Variants in PPFIA2 observed in about 807,000 individuals in gnomAD.
The protein encoded by PPFIA2 is liprin-alpha-2.
A neutral mutation model predicts 175.5 loss-of-function variants in PPFIA2; 46 were observed. The ratio of observed to expected loss-of-function variants is 0.26; its 90% CI spans 0.21 to 0.34. The LOEUF (loss-of-function observed/expected upper bound fraction) is 0.34, where lower values mean the gene tolerates loss of function less well. PPFIA2 is among the 10% of genes least tolerant of loss of function. The pLI is 1.00. For synonymous variants in PPFIA2, 568 were observed against 511.4 expected (o/e 1.11, Z -1.49); for missense variants, 1,179 against 1,506.1 (o/e 0.78, Z 3.60).
chr12:81,718,374 T>A (rs1298543311), intron 3 of PPFIA2, among the ~76,000 whole-genome samples: 3 of 151,576 alleles, frequency 2.0e-5, no homozygotes, highest in Non-Finnish European at 3.0e-5. Context: ...TAGAATGTTC[T>A]AGAATGTGTG....
chr12:81,544,484 T>C (rs2066688501), intron 4 of PPFIA2, among the ~76,000 whole-genome samples: 1 of 152,190 alleles, frequency 6.6e-6, no homozygotes, highest in Non-Finnish European at 1.5e-5. Context: ...CAGCCCAACA[T>C]ACTTCCGGCA....
At chr12:81,616,951 C>G (rs557017993) in intron 4 of PPFIA2, among the ~76,000 whole-genome samples, 1 of 152,106 alleles carries the variant, frequency 6.6e-6, no homozygotes, top group Non-Finnish European at 1.5e-5. Flanking sequence ...CACTCAACAA[C>G]CCAGTATAAC....
intron 3 of PPFIA2, among the ~76,000 whole-genome samples, chr12:81,691,664 T>C (rs1286941705): frequency 1.3e-5 from 2 of 152,088 alleles, no homozygotes; most frequent in African/African-American, 4.8e-5. Context: ...TTGTACAGAT[T>C]GCATTTGCCA....
intron 4 of PPFIA2, among the ~76,000 whole-genome samples, chr12:81,553,118 T>A (rs2068222862): frequency 6.6e-6 from 1 of 151,874 alleles, no homozygotes; most frequent in Non-Finnish European, 1.5e-5. Flanking sequence ...GAAGCATTAA[T>A]CTCACGGGCT....
intron 32 of PPFIA2, chr12:81,261,205 A>C (rs916360740): frequency 2.6e-5 from 4 of 152,064 alleles, no homozygotes; most frequent in African/African-American, 9.7e-5. Flanking sequence ...TGAATTTTTC[A>C]CAGTTTCTAC....
chr12:81,330,940 T>C (rs2055989620), intron 21 of PPFIA2, among the ~76,000 whole-genome samples: 1 of 152,258 alleles, frequency 6.6e-6, no homozygotes, highest in Non-Finnish European at 1.5e-5. Context: ...TGGAGCTAAA[T>C]ACTACTTTAT....
At chr12:81,448,514 A>G (rs577507559) in intron 5 of PPFIA2, among the ~76,000 whole-genome samples, 3 of 152,206 alleles carry the variant, frequency 2.0e-5, no homozygotes, top group Non-Finnish European at 4.4e-5. Flanking sequence ...CAAATTTTTA[A>G]TGTCTTCTTA....
intron 4 of PPFIA2, among the ~76,000 whole-genome samples, chr12:81,654,140 G>GA (rs1262574558): frequency 6.6e-6 from 1 of 150,496 alleles, no homozygotes; most frequent in African/African-American, 2.4e-5. Flanking sequence ...TAGCGAAGAA[G>GA]AAAAAAATTT....
chr12:81,756,107 T>C (rs1380965196), intron 2 of PPFIA2, among the ~76,000 whole-genome samples: 3 of 152,144 alleles, frequency 2.0e-5, no homozygotes, highest in Admixed American at 6.5e-5. Flanking sequence ...AACCTACACA[T>C]TGAGCCGCTA....
intron 4 of PPFIA2, among the ~76,000 whole-genome samples, chr12:81,640,898 G>A (rs1427119283): frequency 1.3e-5 from 2 of 151,564 alleles, no homozygotes; most frequent in African/African-American, 4.8e-5. Flanking sequence ...AAACACATGA[G>A]ACCTTAAAAA....
chr12:81,647,484 G>C (rs902295444), intron 4 of PPFIA2, among the ~76,000 whole-genome samples: 2 of 151,986 alleles, frequency 1.3e-5, no homozygotes, highest in African/African-American at 4.8e-5. Flanking sequence ...AAATATGGCT[G>C]GGTGCGGTGG....
At chr12:81,515,424 CTG>C (rs1268083857) in intron 4 of PPFIA2, among the ~76,000 whole-genome samples, 5 of 152,116 alleles carry the variant, frequency 3.3e-5, no homozygotes, top group African/African-American at 1.2e-4. Flanking sequence ...GATAAATATG[CTG>C]TGTTTACACA....
At chr12:81,271,045 GT>G (rs2038940691) in intron 28 of PPFIA2, among the ~76,000 whole-genome samples, 1 of 152,060 alleles carries the variant, frequency 6.6e-6, no homozygotes. Context: ...TTACTAATAA[GT>G]TTTCTATGTT....
rs58932826 is a variant in PPFIA2 at position 81,587,103 on chromosome 12, G to C, written c.303+89688C>G. Among the ~76,000 whole-genome samples, 990 of 151,996 alleles carry C rather than the reference G, an allele frequency of 6.5e-3. 9 individuals are homozygous for C. The highest frequency in any genetic ancestry group is 0.022 in the African/African-American group (923 of 41,500). ...CACACTCTAGCAAACTGTAGAACCT[G>C]TTTTTGAATAATGTATTTAATTCCA... On this transcript the variant is annotated intron_variant, in intron 4 of 32. Coordinates refer to ENST00000549396, the MANE Select transcript of PPFIA2 (RefSeq NM_003625.5).
At position 81,407,524 on chromosome 12, in the gene PPFIA2, A is replaced by AAATAC. The variant is rs1555357608; in HGVS notation, c.646-1626_646-1622dup. On this transcript the variant is annotated intron_variant, in intron 7 of 32. Coordinates refer to ENST00000549396, the MANE Select transcript of PPFIA2 (RefSeq NM_003625.5). The stretch of plus-strand genomic sequence containing the variant: ...AAATAAAATAAAATAAAATAAAATA[A>AAATAC]AATACTTTAAAATTTTGTTAAAAAA... Among the ~76,000 whole-genome samples, 242 of 150,648 alleles carry AAATAC rather than the reference A, an allele frequency of 1.6e-3. 5 individuals carry two copies. Among genetic ancestry groups the AAATAC allele is most frequent in the Middle Eastern group, 6.9e-3 (2 of 290 alleles).
chr12:81,537,954 G>A lies in PPFIA2; in HGVS notation c.304-80088C>T, dbSNP rs11611257. ...GATTTTGTTCAGGACACTAACAGTG[G>A]ATCAATCTCTCAAACGTAGACTCAC... is the stretch of plus-strand genomic sequence containing the variant. On this transcript the variant is annotated intron_variant, in intron 4 of 32. Coordinates refer to ENST00000549396, the MANE Select transcript of PPFIA2 (RefSeq NM_003625.5). Among the ~76,000 whole-genome samples the A allele has an allele frequency of 9.6e-3, 1,451 of 151,898 alleles. 17 individuals carry two copies. The highest frequency in any genetic ancestry group is 0.015 in the Non-Finnish European group (1,037 of 67,868).
chr12:81,522,212 T>C (rs754930244), intron 4 of PPFIA2, among the ~76,000 whole-genome samples: 7 of 152,186 alleles, frequency 4.6e-5, no homozygotes, highest in African/African-American at 9.6e-5. Flanking sequence ...TGTAGGCTAC[T>C]GTTTTCTTCT....
chr12:81,432,110 T>C (rs879613799), intron 7 of PPFIA2, among the ~76,000 whole-genome samples: 5 of 70,646 alleles, frequency 7.1e-5, no homozygotes, highest in South Asian at 4.4e-4. Flanking sequence ...GATAAATAAT[T>C]AGTTTTTTAA....
chr12:81,537,229 G>T (rs979998208), intron 4 of PPFIA2, among the ~76,000 whole-genome samples: 6 of 151,744 alleles, frequency 4.0e-5, no homozygotes, highest in African/African-American at 1.2e-4. Flanking sequence ...AAAAAATTCT[G>T]CTGGGACAAT....
Sources: allele counts gnomAD v4.1 joint callset (sites outside exome capture counted in the v4.1 genomes callset), GRCh38; gene constraint gnomAD v4.1.1; transcripts MANE v1.5; gene names NCBI Gene and HGNC (gene_info 2026-07-23, HGNC 2026-07-21).